SH2D3A: variants seen among roughly 807,000 people sequenced by gnomAD.
SH2D3A encodes the protein SH2 domain containing 3A, also known as SH2 domain-containing protein 3A.
SH2D3A carries 46 observed loss-of-function variants against 50.6 expected under a neutral mutation model. The ratio of observed to expected loss-of-function variants is 0.91; its 90% CI spans 0.72 to 1.16. The LOEUF is 1.16. SH2D3A is among the 50% of genes most tolerant of loss of function. SH2D3A has a pLI of 0.00. For missense variants in SH2D3A, 783 were observed against 786.2 expected (o/e 1.00, Z 0.05); for synonymous variants, 377 against 348.4 (o/e 1.08, Z -0.91).
intron 4 of SH2D3A, among the ~76,000 whole-genome samples, chr19:6,755,753 T>C (rs1969631414): frequency 6.6e-6 from 1 of 151,948 alleles, no homozygotes; most frequent in South Asian, 2.1e-4. Context: ...GACTGAAAGA[T>C]GGTAAGCAGT....
chr19:6,752,860 C>A, intron 9 of SH2D3A, 107 bp from the exon 10 acceptor site: 1 of 1,418,242 alleles, frequency 7.1e-7, no homozygotes, highest in Non-Finnish European at 9.2e-7. Context: ...CCAACAGGGG[C>A]CCGGGAGGGA....
At chr19:6,755,782 A>AT (rs943807489) in intron 4 of SH2D3A, among the ~76,000 whole-genome samples, 11 of 151,774 alleles carry the variant, frequency 7.2e-5, no homozygotes, top group Admixed American at 7.2e-4. Context: ...GAAATTAAAA[A>AT]TTTTTTTAAA....
intron 4 of SH2D3A, among the ~76,000 whole-genome samples, chr19:6,756,307 T>C (rs1169223263): frequency 6.6e-6 from 1 of 150,950 alleles, no homozygotes; most frequent in Non-Finnish European, 1.5e-5. Flanking sequence ...CATAGACATA[T>C]CTATATAAAA....
rs778372376 is a variant in SH2D3A, at chr19:6,760,746, T to G, written c.311A>C (p.Gln104Pro). Residue 104 changes from glutamine (Q) to proline (P), a missense_variant, in exon 3 of 10, where the codon CAG (glutamine) becomes CCG (proline). Gln to Pro is a moderately conservative substitution (Grantham distance 76). Coordinates refer to ENST00000245908, the MANE Select transcript of SH2D3A (RefSeq NM_005490.3). ...CCTGGAGACCACAGCCCCTGTGGCC[T>G]GGGACAGTGGGCGCCTGCCTGTCAT... ...SYMTGRRPLS[Q>P]ATGAVVSRPV... is the part of the protein sequence containing the mutation. 7 of 1,613,874 alleles carry G rather than the reference T, an allele frequency of 4.3e-6. No homozygotes were observed.
At chr19:6,763,902 A>AAT in intron 1 of SH2D3A, 86 bp from the exon 2 acceptor site, 7 of 310,390 alleles carry the variant, frequency 2.3e-5, no homozygotes, top group Non-Finnish European at 4.1e-5. Flanking sequence ...AGCTCCATCA[A>AAT]ATCTTTTTTT....
At chr19:6,752,837 A>T in intron 9 of SH2D3A, 84 bp from the exon 10 acceptor site, 1 of 1,435,580 alleles carries the variant, frequency 7.0e-7, no homozygotes, top group Non-Finnish European at 9.2e-7. Context: ...TCCTTTCCCC[A>T]GAGGACTTTG....
At chr19:6,756,510 A>G (rs1376138531) in intron 4 of SH2D3A, among the ~76,000 whole-genome samples, 1 of 151,656 alleles carries the variant, frequency 6.6e-6, no homozygotes, top group African/African-American at 2.4e-5. Flanking sequence ...TCTGTGTGCC[A>G]TGGTGGTTTG....
Position 6,752,693 on chromosome 19 carries a change from A to G in SH2D3A, c.1631T>C (p.Leu544Pro). The G allele has an allele frequency of 1.3e-6, 2 of 1,552,938 alleles. No individual in the cohort carries two copies. The highest frequency in any genetic ancestry group is 1.7e-6 in the Non-Finnish European group (2 of 1,148,074). Reference sequence around the variant, plus strand: ...AGCTCCCGCGCCCCGGCTACCCCAGAGCAGCCTCCGCACGAAGCCGGTGGT... The same window carrying G: ...AGCTCCCGCGCCCCGGCTACCCCAGGGCAGCCTCCGCACGAAGCCGGTGGT... ...ALTTGFVRRL[L>P]WGSRGAGAPR... The change falls in exon 10 of 10, where the codon CTC becomes CCC. Residue 544 changes from leucine (L) to proline (P), a missense_variant. Transcript: ENST00000245908.
rs1599588627 is a variant in SH2D3A at position 6,759,656 on chromosome 19, C to T, written c.434G>A (p.Ser145Asn). Reference protein sequence around the residue: ...RIEPLRARKWSNSQPADLAHM... With the variant: ...RIEPLRARKWNNSQPADLAHM... ...TGCCAAATCTGCAGGCTGACTGTTG[C>T]TCCACTTCCTTGCCCTGGGGGACAG... The change falls in exon 4 of 10, where the codon AGC becomes AAC. Residue 145 changes from serine (S) to asparagine (N), a missense_variant. By Grantham distance (46) the Ser-to-Asn change is conservative. Coordinates refer to ENST00000245908, the MANE Select transcript of SH2D3A (RefSeq NM_005490.3). 1 of 1,613,840 alleles carries T rather than the reference C, an allele frequency of 6.2e-7. No individual in the cohort carries two copies. The highest frequency in any genetic ancestry group is 8.5e-7 in the Non-Finnish European group (1 of 1,179,806).
chr19:6,761,279 A>G, intron 2 of SH2D3A: 1 of 343,028 alleles, frequency 2.9e-6, no homozygotes, highest in Non-Finnish European at 5.4e-6. Context: ...GGCGCATAAA[A>G]CCCTGCTGCA....
intron 2 of SH2D3A, 177 bp from the exon 3 acceptor site, chr19:6,761,164 T>C (rs1969996095): frequency 5.0e-6 from 3 of 599,870 alleles, no homozygotes; most frequent in Middle Eastern, 4.4e-4. Flanking sequence ...TCCTGGCACC[T>C]ACGTAGACTA....
In SH2D3A at chr19:6,762,694, T is replaced by G. The variant is rs10414349; in HGVS notation, c.69+986A>C. On this transcript the variant is annotated intron_variant, in intron 2 of 9. Coordinates refer to ENST00000245908, the MANE Select transcript of SH2D3A (RefSeq NM_005490.3). Reference sequence around the variant, plus strand: ...GGATAATTTTCGCTTTTTTTTTTTTTTTTGTGTAGAGACAGAGTTCTGCTA... The same window carrying G: ...GGATAATTTTCGCTTTTTTTTTTTTGTTTGTGTAGAGACAGAGTTCTGCTA... Among the ~76,000 whole-genome samples the G allele has an allele frequency of 3.2e-3, 466 of 146,980 alleles. 1 individual carries two copies. The highest frequency in any genetic ancestry group is 0.011 in the African/African-American group (456 of 40,086).
At chr19:6,759,466 G>A (rs1411424716) in intron 4 of SH2D3A, 128 bp downstream of exon 4, 26 of 803,598 alleles carry the variant, frequency 3.2e-5, no homozygotes, top group African/African-American at 1.0e-4. Flanking sequence ...TTAAGTCATC[G>A]TGATTGTCAT....
In SH2D3A at chr19:6,752,609, A is replaced by C; in HGVS notation, c.1715T>G (p.Leu572Arg). 6.4e-7 allele frequency: 1 copy of C among 1,559,700 alleles called. No individual in the cohort carries two copies. Among genetic ancestry groups the C allele is most frequent in the Non-Finnish European group, 8.7e-7 (1 of 1,151,206 alleles). The change falls in exon 10 of 10, where the codon CTG becomes CGG. Residue 572 changes from leucine to arginine, a missense_variant. Coordinates refer to ENST00000245908, the MANE Select transcript of SH2D3A (RefSeq NM_005490.3). ...QRVLGVLSQR[L>R]EPDR ...TCTGCGCTCTCAGCGGTCAGGCTCC[A>C]GGCGCTGCGACAGGACGCCGAGGAC...
chr19:6,758,435 TG>T (rs1414447280), intron 4 of SH2D3A: 1 of 151,856 alleles, frequency 6.6e-6, no homozygotes, highest in African/African-American at 2.4e-5. Context: ...CCCGAGTAGC[TG>T]GGATTACAGG....
At chr19:6,761,143 G>C (rs1358699488) in intron 2 of SH2D3A, 156 bp from the exon 3 acceptor site, 2 of 629,876 alleles carry the variant, frequency 3.2e-6, no homozygotes, top group East Asian at 5.5e-5. Flanking sequence ...ACCAAGTTCT[G>C]TCCCCCTTTC....
At chr19:6,765,041 C>A (rs552976494) in intron 1 of SH2D3A, among the ~76,000 whole-genome samples, 171 of 151,802 alleles carry the variant, frequency 1.1e-3, no homozygotes, top group Middle Eastern at 6.8e-3. Flanking sequence ...CCATGCCTGG[C>A]TAATTTTTAA....
At chr19:6,762,657 C>T (rs1970090587) in intron 2 of SH2D3A, among the ~76,000 whole-genome samples, 2 of 151,396 alleles carry the variant, frequency 1.3e-5, no homozygotes, top group Admixed American at 1.3e-4. Flanking sequence ...CAGGTACATG[C>T]CACCCATGCC....
At chr19:6,762,026 A>G (rs1350038201) in intron 2 of SH2D3A, among the ~76,000 whole-genome samples, 3 of 151,436 alleles carry the variant, frequency 2.0e-5, no homozygotes, top group African/African-American at 7.3e-5. Flanking sequence ...CCCCAGAGAG[A>G]GGCAAAGTAG....
Sources: gnomAD v4.1 joint callset for allele counts (sites outside exome capture counted in the v4.1 genomes callset) on GRCh38, gnomAD v4.1.1 for gene constraint, MANE v1.5 for transcripts, NCBI Gene and HGNC (gene_info 2026-07-23, HGNC 2026-07-21) for gene names.